EDNRA: variants seen among roughly 807,000 people sequenced by gnomAD.
The protein encoded by EDNRA is endothelin receptor type A.
A neutral mutation model predicts 41.4 loss-of-function variants in EDNRA; 11 were observed. The observed-to-expected ratio is 0.27, with a 90% confidence interval of 0.17 to 0.44. The LOEUF (loss-of-function observed/expected upper bound fraction) is 0.44. Among genes scored for constraint, EDNRA ranks in the 20% least tolerant of loss-of-function variants. The pLI, the probability that EDNRA is intolerant of heterozygous loss-of-function variation, is 1.00. For synonymous variants in EDNRA, 172 were observed against 183.0 expected, an observed-to-expected ratio of 0.94 and a Z score of 0.49; for missense variants, 294 against 531.0, an observed-to-expected ratio of 0.55 and a Z score of 4.39.
At chr4:147,537,611 A>ACAAT (rs79936346) in intron 5 of EDNRA, among the ~76,000 whole-genome samples, 51,417 of 151,756 alleles carry the variant, frequency 0.34, 10,332 homozygotes, top group African/African-American at 0.57. Context: ...AATTGTGGAA[A>ACAAT]GAAATAATTG....
chr4:147,528,954 G>T (rs554491886), intron 3 of EDNRA, among the ~76,000 whole-genome samples: 14 of 152,228 alleles, frequency 9.2e-5, no homozygotes, highest in African/African-American at 3.4e-4. Context: ...CAGTTGCTAT[G>T]TTCTGACGTA....
chr4:147,481,451 C>G (rs1728754054), intron 1 of EDNRA, 75 bp downstream of exon 1: 1 of 152,564 alleles, frequency 6.6e-6, no homozygotes, highest in Admixed American at 6.5e-5. Context: ...GCCTGGGCCC[C>G]TCGGTCGGGA....
intron 3 of EDNRA, among the ~76,000 whole-genome samples, chr4:147,522,379 A>G (rs1056374612): frequency 2.0e-5 from 3 of 152,066 alleles, no homozygotes; most frequent in Admixed American, 6.5e-5. Context: ...CTCTACAAAT[A>G]ATACAAAAAT....
At chr4:147,482,736 G>A (rs1728812246) in intron 1 of EDNRA, among the ~76,000 whole-genome samples, 1 of 152,118 alleles carries the variant, frequency 6.6e-6, no homozygotes, top group African/African-American at 2.4e-5. Flanking sequence ...TTTAATGATA[G>A]CTGGCTCTCA....
At chr4:147,508,927 T>C (rs1323269171) in intron 2 of EDNRA, among the ~76,000 whole-genome samples, 1 of 152,212 alleles carries the variant, frequency 6.6e-6, no homozygotes, top group East Asian at 1.9e-4. Context: ...GTTTTGGCTA[T>C]TCTAGATCCC....
rs1205930490 is a variant in EDNRA, at chr4:147,517,081, G to GAA, written c.421-2770_421-2769insAA. 1.4e-4 allele frequency among the ~76,000 whole-genome samples: 22 copies of GAA among 152,232 alleles called. No homozygotes were observed. The South Asian group carries it at 2.5e-3, about 17-fold the overall frequency. ...AATTAACAGTGGTTGCCTTTGGGCA[G>GAA]GGAGTTTGGGGGCCTTGACTGGAAG... is the stretch of plus-strand genomic sequence containing the variant. On this transcript the variant is annotated intron_variant, in intron 2 of 7. Transcript: ENST00000651419.
intron 2 of EDNRA, chr4:147,492,249 A>T (rs1394013517): frequency 6.6e-6 from 1 of 152,220 alleles, no homozygotes; most frequent in African/African-American, 2.4e-5. Flanking sequence ...CATCATTCTC[A>T]TTTATCACTG....
intron 3 of EDNRA, among the ~76,000 whole-genome samples, chr4:147,520,599 C>T (rs1264998828): frequency 6.6e-6 from 1 of 152,210 alleles, no homozygotes; most frequent in Non-Finnish European, 1.5e-5. Flanking sequence ...ATTTTCTTTA[C>T]CTTCTGGTTT....
At chr4:147,482,463 A>G (rs1344765159) in intron 1 of EDNRA, among the ~76,000 whole-genome samples, 3 of 152,204 alleles carry the variant, frequency 2.0e-5, no homozygotes, top group East Asian at 1.9e-4. Context: ...CACTAGCGCT[A>G]TGACTGATTA....
chr4:147,514,406 T>C (rs1383255825), intron 2 of EDNRA, among the ~76,000 whole-genome samples: 4 of 152,176 alleles, frequency 2.6e-5, no homozygotes, highest in Non-Finnish European at 5.9e-5. Flanking sequence ...TTAGGGACTA[T>C]TGTCTTTGGG....
chr4:147,501,106 T>C (rs1729503512), intron 2 of EDNRA, among the ~76,000 whole-genome samples: 1 of 152,196 alleles, frequency 6.6e-6, no homozygotes, highest in Admixed American at 6.5e-5. Context: ...ATTTAGTTTA[T>C]TTGTGGAAAT....
At chr4:147,504,121 C>G (rs1203042753) in intron 2 of EDNRA, among the ~76,000 whole-genome samples, 1 of 151,954 alleles carries the variant, frequency 6.6e-6, no homozygotes. Flanking sequence ...TGAAAAAACT[C>G]TAGCCTCACA....
intron 2 of EDNRA, among the ~76,000 whole-genome samples, chr4:147,513,319 T>C (rs10305890): frequency 7.2e-5 from 11 of 152,190 alleles, no homozygotes; most frequent in African/African-American, 2.2e-4. Flanking sequence ...GAAAAGCCTG[T>C]TCAAAGGAAA....
intron 2 of EDNRA, among the ~76,000 whole-genome samples, chr4:147,515,947 A>G (rs1730099844): frequency 6.6e-6 from 1 of 152,196 alleles, no homozygotes. Flanking sequence ...TTTTGATACA[A>G]TCCAAATCAA....
At chr4:147,492,890 C>T (rs1729186637) in intron 2 of EDNRA, 1 of 152,126 alleles carries the variant, frequency 6.6e-6, no homozygotes, top group Admixed American at 6.5e-5. Flanking sequence ...TCTGACTTTT[C>T]GTTTCCTGTG....
chr4:147,484,234 G>A (rs968992878), intron 1 of EDNRA, among the ~76,000 whole-genome samples: 1 of 151,866 alleles, frequency 6.6e-6, no homozygotes, highest in African/African-American at 2.4e-5. Context: ...GGACAGGAAG[G>A]ACCACTTGCT....
In EDNRA at chr4:147,485,604, T is replaced by G; in HGVS notation, c.-70-8T>G. 6.7e-7 allele frequency: 1 copy of G among 1,485,048 alleles called. No individual in the cohort carries two copies. Among genetic ancestry groups the G allele is most frequent in the Admixed American group, 2.3e-5 (1 of 43,476 alleles). 92.0% of individuals were successfully genotyped at this position (1,485,048 alleles called of 1,614,324 possible). A position where few individuals can be genotyped will look rare whatever the true frequency, so the allele number is the denominator to read the frequency against. ...TTGGAACAAAAATTATTTTTCCTTT[T>G]GTTTCAGGTGAAAAAAAAGTGAAGG... is the stretch of plus-strand genomic sequence containing the variant. On this transcript the variant is annotated splice_region_variant and splice_polypyrimidine_tract_variant and intron_variant, in intron 1 of 7. Transcript: ENST00000651419.
At position 147,542,604 on chromosome 4, in the gene EDNRA, G is replaced by T. The variant is rs1278609613; in HGVS notation, c.1270G>T (p.Asp424Tyr). Residue 424 changes from aspartate (D) to tyrosine (Y), a missense_variant, in exon 8 of 8, where the codon GAC (aspartate) becomes TAC (tyrosine). Physicochemically the swap from Asp to Tyr is radical, Grantham distance 160 (BLOSUM62 -3). Coordinates refer to ENST00000651419, the MANE Select transcript of EDNRA (RefSeq NM_001957.4). ...CAACACAGACCGGAGCAGCCATAAG[G>T]ACAGCATGAACTGACCACCCTTAGA... ...NHNTDRSSHK[D>Y]SMN 1.9e-6 allele frequency: 3 copies of T among 1,613,914 alleles called. No individual in the cohort carries two copies. Among genetic ancestry groups the T allele is most frequent in the Non-Finnish European group, 1.7e-6 (2 of 1,179,954 alleles).
intron 2 of EDNRA, among the ~76,000 whole-genome samples, chr4:147,499,209 C>A (rs1308822023): frequency 6.6e-6 from 1 of 152,144 alleles, no homozygotes. Context: ...GCACATGCCA[C>A]CATGCCCATC....
Sources: allele counts gnomAD v4.1 joint callset (sites outside exome capture counted in the v4.1 genomes callset), GRCh38; gene constraint gnomAD v4.1.1; transcripts MANE v1.5; gene names NCBI Gene and HGNC (gene_info 2026-07-23, HGNC 2026-07-21).